The following PSMB7 variants were observed in gnomAD, a reference collection of about 807,000 sequenced individuals.
PSMB7 encodes the protein proteasome 20S subunit beta 7.
PSMB7 carries 5 observed loss-of-function variants against 28.1 expected under a neutral mutation model. That is an observed-to-expected ratio of 0.18 (90% confidence interval 0.09 to 0.37). PSMB7 has a LOEUF of 0.37. PSMB7 is among the 10% of genes least tolerant of loss of function. PSMB7 has a pLI of 1.00. For missense variants in PSMB7, 275 were observed against 346.2 expected, an observed-to-expected ratio of 0.79 and a Z score of 1.63; for synonymous variants, 122 against 123.7, an observed-to-expected ratio of 0.99 and a Z score of 0.09.
At chr9:124,409,274 G>A (rs1442154849) in intron 4 of PSMB7, among the ~76,000 whole-genome samples, 1 of 152,068 alleles carries the variant, frequency 6.6e-6, no homozygotes, top group African/African-American at 2.4e-5. Context: ...TGTTCTTTGG[G>A]CTTTTCAGTA....
At chr9:124,357,662 T>C (rs1367127220) in intron 6 of PSMB7, among the ~76,000 whole-genome samples, 2 of 152,224 alleles carry the variant, frequency 1.3e-5, no homozygotes, top group African/African-American at 2.4e-5. Context: ...GGTGAACAGA[T>C]GGACTCATCC....
intron 6 of PSMB7, among the ~76,000 whole-genome samples, chr9:124,381,953 C>T (rs1286892639): frequency 6.6e-6 from 1 of 152,042 alleles, no homozygotes; most frequent in African/African-American, 2.4e-5. Context: ...GAAGGTACCA[C>T]CTTCACCTTA....
intron 6 of PSMB7, among the ~76,000 whole-genome samples, chr9:124,379,917 A>G (rs1460023615): frequency 6.6e-6 from 1 of 152,222 alleles, no homozygotes; most frequent in African/African-American, 2.4e-5. Flanking sequence ...TACTGTCTCA[A>G]GGCAACAGAC....
intron 5 of PSMB7, among the ~76,000 whole-genome samples, chr9:124,386,124 C>A (rs1830716171): frequency 6.6e-6 from 1 of 150,936 alleles, no homozygotes; most frequent in African/African-American, 2.4e-5. Flanking sequence ...CGATTTTCCC[C>A]TCCTCACAAT....
At chr9:124,412,260 T>C in intron 4 of PSMB7, 92 bp downstream of exon 4, 1 of 1,237,174 alleles carries the variant, frequency 8.1e-7, no homozygotes, top group Middle Eastern at 2.2e-4. Flanking sequence ...TTTCTGAATG[T>C]GTTTTTGCTA....
chr9:124,390,745 T>A (rs1357769000), intron 5 of PSMB7, among the ~76,000 whole-genome samples: 1 of 152,200 alleles, frequency 6.6e-6, no homozygotes, highest in African/African-American at 2.4e-5. Context: ...AGCAATTTTT[T>A]AAGGTATAAA....
intron 5 of PSMB7, among the ~76,000 whole-genome samples, chr9:124,394,060 A>G (rs886894605): frequency 6.6e-6 from 1 of 152,248 alleles, no homozygotes; most frequent in African/African-American, 2.4e-5. Context: ...ACTCAGGTCC[A>G]TATTTCAAAA....
chr9:124,386,620 C>T (rs1413395282), intron 5 of PSMB7, among the ~76,000 whole-genome samples: 1 of 152,028 alleles, frequency 6.6e-6, no homozygotes, highest in East Asian at 1.9e-4. Flanking sequence ...AATATCTCCA[C>T]GAAGAACACA....
At position 124,356,921 on chromosome 9, in the gene PSMB7, A is replaced by G; in HGVS notation, c.571-6T>C. ...AGATTCTTGGCTTCCTCCTCCTGAGAAACAGAACGGCGGCAATAATGTCCC... is the reference window on the plus strand; with the variant it reads ...AGATTCTTGGCTTCCTCCTCCTGAGGAACAGAACGGCGGCAATAATGTCCC... On this transcript the variant is annotated splice_region_variant and splice_polypyrimidine_tract_variant and intron_variant, in intron 6 of 7. Coordinates refer to ENST00000259457, the MANE Select transcript of PSMB7 (RefSeq NM_002799.4). This position sits in a 1 kb window ranked among gnomAD's most constrained non-coding sequence, Gnocchi z 4.4. 6.2e-7 allele frequency: 1 copy of G among 1,614,134 alleles called. No individual in the cohort carries two copies.
Position 124,356,650 on chromosome 9 carries a change from C to T in PSMB7, c.722+114G>A, listed in dbSNP as rs963336640. The T allele has an allele frequency of 1.8e-5, 23 of 1,259,630 alleles. No individual in the cohort carries two copies. In the African/African-American group the frequency reaches 3.2e-4, roughly 17 times the overall value. 78.0% of individuals were successfully genotyped at this position (1,259,630 alleles called of 1,614,324 possible). ...TGTGTGGGAGGTTGATTTGGGAACA[C>T]TGGATGTACTTAATGTGGAAAGAAC... On this transcript the variant is annotated intron_variant, in intron 7 of 7. Transcript: ENST00000259457. This position sits in a 1 kb window ranked among gnomAD's most constrained non-coding sequence, Gnocchi z 4.4.
intron 4 of PSMB7, among the ~76,000 whole-genome samples, chr9:124,405,863 T>C (rs896725758): frequency 6.6e-6 from 1 of 152,010 alleles, no homozygotes; most frequent in African/African-American, 2.4e-5. Flanking sequence ...TTGTATTTTT[T>C]TTTGGAGAGA....
intron 6 of PSMB7, among the ~76,000 whole-genome samples, chr9:124,371,705 G>A (rs896175465): frequency 3.9e-5 from 6 of 152,256 alleles, no homozygotes; most frequent in South Asian, 2.1e-4. Context: ...TGAAGAGAGC[G>A]GTGAAGTCCC....
intron 6 of PSMB7, among the ~76,000 whole-genome samples, chr9:124,365,956 A>G (rs1372293664): frequency 6.6e-6 from 1 of 152,202 alleles, no homozygotes; most frequent in Admixed American, 6.5e-5. Context: ...AGAGATTACT[A>G]TCACTTTCTA....
intron 4 of PSMB7, among the ~76,000 whole-genome samples, chr9:124,407,001 A>T (rs999061709): frequency 5.3e-5 from 8 of 151,880 alleles, no homozygotes; most frequent in African/African-American, 1.2e-4. Context: ...AATAAAAAAT[A>T]AAAAAAATCA....
intron 5 of PSMB7, 85 bp from the exon 6 acceptor site, chr9:124,384,741 C>G: frequency 8.4e-7 from 1 of 1,190,608 alleles, no homozygotes; most frequent in Non-Finnish European, 1.2e-6. Context: ...AGAAAAACAG[C>G]AAAACATGCC....
In PSMB7 at chr9:124,353,657, T is replaced by C; in HGVS notation, c.775A>G (p.Ile259Val). 1.9e-6 allele frequency: 3 copies of C among 1,614,074 alleles called. No individual in the cohort carries two copies. The highest frequency in any genetic ancestry group is 1.1e-5 in the South Asian group (1 of 91,088). Residue 259 changes from isoleucine to valine, a missense_variant, in exon 8 of 8, where the codon ATC becomes GTC. By Grantham distance (29) the Ile-to-Val change is conservative. Around this residue, in one of 2 missense-constraint regions of PSMB7, gnomAD observed 213 missense variants for 302.4 expected, o/e 0.70. Coordinates refer to ENST00000259457, the MANE Select transcript of PSMB7 (RefSeq NM_002799.4). ...AGCACCTCAATCTCCAGAGGAGTGA[T>C]TTTCTCAGTGAGGACTGCAGTAGTC... The part of the protein sequence containing the change: ...KGTTAVLTEK[I>V]TPLEIEVLEE...
chr9:124,386,354 G>T (rs1830718349), intron 5 of PSMB7, among the ~76,000 whole-genome samples: 1 of 152,172 alleles, frequency 6.6e-6, no homozygotes, highest in African/African-American at 2.4e-5. Context: ...CCAATGTTCT[G>T]TGAGTCACAT....
At chr9:124,362,729 CA>C (rs35701697) in intron 6 of PSMB7, among the ~76,000 whole-genome samples, 1 of 150,206 alleles carries the variant, frequency 6.7e-6, no homozygotes, top group Non-Finnish European at 1.5e-5. Context: ...GTTCTCACCA[CA>C]AAAAAAAAAT....
chr9:124,408,306 A>C (rs1473345034), intron 4 of PSMB7, among the ~76,000 whole-genome samples: 6 of 152,204 alleles, frequency 3.9e-5, no homozygotes, highest in Admixed American at 1.3e-4. Flanking sequence ...TGCAAAACTA[A>C]ATAAATGTGC....
Sources: gnomAD v4.1 joint callset for allele counts (sites outside exome capture counted in the v4.1 genomes callset) on GRCh38, gnomAD v4.1.1 for gene constraint, gnomAD v4.1.1 regional missense constraint, Gnocchi (gnomAD v3.1) non-coding constraint, MANE v1.5 for transcripts, NCBI Gene and HGNC (gene_info 2026-07-23, HGNC 2026-07-21) for gene names.